GLIS1: variants seen among roughly 807,000 people sequenced by gnomAD.
GLIS1 encodes the protein zinc finger protein GLIS1.
In GLIS1, 24 loss-of-function variants were observed where a neutral mutation model predicts 63.8. That is an observed-to-expected ratio of 0.38 (90% CI 0.27 to 0.53). GLIS1 has a LOEUF of 0.53. GLIS1 is among the 20% of genes least tolerant of loss of function. The pLI is 0.85. For missense variants in GLIS1, 1,036 were observed against 1,074.1 expected (o/e 0.96, Z 0.50); for synonymous variants, 450 against 482.5 (o/e 0.93, Z 0.88).
chr1:53,728,736 G>A (rs1646829951), intron 2 of GLIS1, among the ~76,000 whole-genome samples: 1 of 152,210 alleles, frequency 6.6e-6, no homozygotes, highest in East Asian at 1.9e-4. Context: ...CAGATTATAA[G>A]AAAAGAAGGC....
At chr1:53,636,658 G>GC (rs926164350) in intron 2 of GLIS1, among the ~76,000 whole-genome samples, 12 of 152,114 alleles carry the variant, frequency 7.9e-5, no homozygotes, top group Non-Finnish European at 1.3e-4. Context: ...CCACACCCAG[G>GC]CTTCTCTGAC....
intron 5 of GLIS1, 28 bp downstream of exon 5, chr1:53,529,763 G>A (rs761641779): frequency 8.7e-6 from 14 of 1,602,284 alleles, no homozygotes; most frequent in Admixed American, 1.7e-5. Context: ...CCTCCACCCC[G>A]CCCTGGGCCT....
rs751118720 is a variant in GLIS1 at position 53,520,625 on chromosome 1, C to G, written c.1726+9G>C. ...CTACGCCCCTGGCCCTGCCTCCCCGCACACGTACCTGGGAGCAGCTCCTGG... is the reference window on the plus strand; with the variant it reads ...CTACGCCCCTGGCCCTGCCTCCCCGGACACGTACCTGGGAGCAGCTCCTGG... On this transcript the variant is annotated intron_variant, in intron 7 of 10. Coordinates refer to ENST00000628545, the MANE Select transcript of GLIS1 (RefSeq NM_001367484.1). 33 of 1,602,802 alleles carry G rather than the reference C, an allele frequency of 2.1e-5. No homozygotes were observed. In the Admixed American group the frequency reaches 5.6e-4, roughly 27 times the overall value.
intron 4 of GLIS1, among the ~76,000 whole-genome samples, chr1:53,563,670 C>T (rs1463976312): frequency 6.6e-6 from 1 of 152,102 alleles, no homozygotes; most frequent in Non-Finnish European, 1.5e-5. Context: ...AGACAGGAAG[C>T]AGTATCTGAA....
chr1:53,528,115 C>A (rs1644490725), intron 5 of GLIS1, among the ~76,000 whole-genome samples: 1 of 152,162 alleles, frequency 6.6e-6, no homozygotes, highest in Non-Finnish European at 1.5e-5. Context: ...ACAGAGCGTG[C>A]CTCTCAGGAC....
rs183497362 is a variant in GLIS1 at position 53,538,267 on chromosome 1, G to A, written c.1321-8315C>T. Among the ~76,000 whole-genome samples the A allele has an allele frequency of 3.4e-3, 516 of 152,306 alleles. 4 individuals are homozygous for A. Among genetic ancestry groups the A allele is most frequent in the African/African-American group, 0.012 (500 of 41,556 alleles). On this transcript the variant is annotated intron_variant, in intron 4 of 10. Transcript: ENST00000628545. ...CTTTGATTTGGACCGTGAGGCTCTC[G>A]AGGGTCTGGTGTTTGGGGATGCAGT...
At position 53,672,288 on chromosome 1, in the gene GLIS1, T is replaced by G. The variant is rs556771457; in HGVS notation, c.259+65518A>C. 7.2e-5 allele frequency among the ~76,000 whole-genome samples: 11 copies of G among 152,298 alleles called. No individual in the cohort carries two copies. In the South Asian group the frequency reaches 1.2e-3, roughly 17 times the overall value. On this transcript the variant is annotated intron_variant, in intron 2 of 10. Coordinates refer to ENST00000628545, the MANE Select transcript of GLIS1 (RefSeq NM_001367484.1). Reference sequence around the variant, plus strand: ...GAGGAATCCAGAGGTCTGGCCTCCATCACCTTGGGCAAGTCAGTCCACCTC... The same window carrying G: ...GAGGAATCCAGAGGTCTGGCCTCCAGCACCTTGGGCAAGTCAGTCCACCTC...
chr1:53,537,225 T>C (rs954248076), intron 4 of GLIS1, among the ~76,000 whole-genome samples: 1 of 152,164 alleles, frequency 6.6e-6, no homozygotes, highest in African/African-American at 2.4e-5. Flanking sequence ...CAAGATCCGC[T>C]GGGGGCTGGC....
intron 4 of GLIS1, 126 bp from the exon 5 acceptor site, chr1:53,530,078 G>A: frequency 1.2e-6 from 1 of 851,222 alleles, no homozygotes. Context: ...GAGCCTCTGA[G>A]AGCTCTGGAT....
intron 2 of GLIS1, among the ~76,000 whole-genome samples, chr1:53,605,796 C>A (rs1309507370): frequency 6.6e-6 from 1 of 152,232 alleles, no homozygotes. Context: ...TCTCTAGACA[C>A]CTGGGCCCCC....
At position 53,533,853 on chromosome 1, in the gene GLIS1, A is replaced by C. The variant is rs773730576; in HGVS notation, c.1321-3901T>G. Among the ~76,000 whole-genome samples the C allele has an allele frequency of 3.3e-5, 5 of 152,224 alleles. No homozygotes were observed. In the Middle Eastern group the frequency reaches 0.01, roughly 311 times the overall value. ...GAGAGCGACCATCAGTTCAGCACCT[A>C]TTGTGTGCTTGGTTCTGCTGGGCCT... On this transcript the variant is annotated intron_variant, in intron 4 of 10. Coordinates refer to ENST00000628545, the MANE Select transcript of GLIS1 (RefSeq NM_001367484.1).
chr1:53,667,547 G>A (rs1334679752), intron 2 of GLIS1, among the ~76,000 whole-genome samples: 6 of 152,216 alleles, frequency 3.9e-5, no homozygotes, highest in Non-Finnish European at 7.3e-5. Flanking sequence ...CCTTGACACT[G>A]AGCGAGCTTC....
At chr1:53,631,783 A>T (rs1436691887) in intron 2 of GLIS1, among the ~76,000 whole-genome samples, 2 of 151,996 alleles carry the variant, frequency 1.3e-5, no homozygotes, top group Non-Finnish European at 2.9e-5. Flanking sequence ...ATTGAGTCAT[A>T]TGAGTGTCTG....
At chr1:53,529,026 G>T (rs541733274) in intron 5 of GLIS1, among the ~76,000 whole-genome samples, 76 of 152,328 alleles carry the variant, frequency 5.0e-4, no homozygotes, top group Non-Finnish European at 1.5e-5. Context: ...ACTGGCCTCA[G>T]GTGTCCCACT....
chr1:53,622,778 G>A lies in GLIS1; in HGVS notation c.260-22500C>T, dbSNP rs535418892. ...CCTCCAGAGGGAGCAAGGCCCTGCC[G>A]ACACCTTGATTTTGGACTTCTGGCC... On this transcript the variant is annotated intron_variant, in intron 2 of 10. Transcript: ENST00000628545. Among the ~76,000 whole-genome samples, 3 of 152,294 alleles carry A rather than the reference G, an allele frequency of 2.0e-5. No homozygotes were observed. The East Asian group carries it at 5.8e-4, about 29-fold the overall frequency.
At chr1:53,506,854 AC>A (rs1644239473) in intron 10 of GLIS1, 78 bp from the exon 11 acceptor site, 1 of 1,393,792 alleles carries the variant, frequency 7.2e-7, no homozygotes, top group Non-Finnish European at 9.7e-7. Flanking sequence ...TCCAGGCCCC[AC>A]CCCGCCTGCC....
chr1:53,638,639 G>T (rs1474580064), intron 2 of GLIS1, among the ~76,000 whole-genome samples: 1 of 152,178 alleles, frequency 6.6e-6, no homozygotes, highest in Admixed American at 6.5e-5. Context: ...TCTGGGGGCA[G>T]AGAGTCCAGT....
At chr1:53,609,541 T>C (rs1280127837) in intron 2 of GLIS1, among the ~76,000 whole-genome samples, 1 of 152,226 alleles carries the variant, frequency 6.6e-6, no homozygotes, top group Non-Finnish European at 1.5e-5. Context: ...AGTGTTGGGA[T>C]TACTGGCGTG....
intron 2 of GLIS1, among the ~76,000 whole-genome samples, chr1:53,632,632 ATGAG>A (rs1348693631): frequency 1.3e-4 from 16 of 122,574 alleles, no homozygotes; most frequent in Admixed American, 5.7e-4. Context: ...GGGCATGTGA[ATGAG>A]TGTGATTGAG....
Sources: gnomAD v4.1 joint callset for allele counts (sites outside exome capture counted in the v4.1 genomes callset) on GRCh38, gnomAD v4.1.1 for gene constraint, MANE v1.5 for transcripts, NCBI Gene and HGNC (gene_info 2026-07-23, HGNC 2026-07-21) for gene names.